ASTN2: variants seen among roughly 807,000 people sequenced by gnomAD.
ASTN2 encodes astrotactin-2.
Under a neutral mutation model 139.8 loss-of-function variants are expected in ASTN2, and 54 were observed. That is an observed-to-expected ratio of 0.39 (90% CI 0.31 to 0.48). The LOEUF (loss-of-function observed/expected upper bound fraction) is 0.48, where lower values mean the gene tolerates loss of function less well. Among genes scored for constraint, ASTN2 ranks in the 20% least tolerant of loss-of-function variants. ASTN2 has a pLI of 0.95. For synonymous variants in ASTN2, 756 were observed against 719.5 expected, an observed-to-expected ratio of 1.05 and a Z score of -0.81; for missense variants, 1,565 against 1,725.1, an observed-to-expected ratio of 0.91 and a Z score of 1.64.
At chr9:117,080,188 T>C (rs1828389616) in intron 5 of ASTN2, among the ~76,000 whole-genome samples, 1 of 152,338 alleles carries the variant, frequency 6.6e-6, no homozygotes, top group South Asian at 2.1e-4. Context: ...TATATAACAT[T>C]GTGATTCACC....
intron 1 of ASTN2, among the ~76,000 whole-genome samples, chr9:117,363,591 T>C (rs1829752241): frequency 6.6e-6 from 1 of 152,078 alleles, no homozygotes; most frequent in Admixed American, 6.5e-5. Context: ...CTGTGAAAGA[T>C]CAGCAGATAG....
intron 10 of ASTN2, among the ~76,000 whole-genome samples, chr9:116,918,120 G>A (rs996617821): frequency 5.9e-5 from 9 of 152,094 alleles, no homozygotes; most frequent in Non-Finnish European, 1.3e-4. Context: ...TGATTCTGAT[G>A]CCTCCCCAGC....
chr9:116,623,937 T>C (rs1352412241), intron 17 of ASTN2, among the ~76,000 whole-genome samples: 1 of 152,148 alleles, frequency 6.6e-6, no homozygotes, highest in African/African-American at 2.4e-5. Context: ...TATGTGTCTC[T>C]GTGTGTTTGA....
At chr9:116,640,038 G>A (rs1486368324) in intron 17 of ASTN2, among the ~76,000 whole-genome samples, 1 of 151,952 alleles carries the variant, frequency 6.6e-6, no homozygotes, top group Non-Finnish European at 1.5e-5. Flanking sequence ...GTTTCATGAA[G>A]TTTACCTGCT....
rs1564282640 is a variant in ASTN2, at chr9:116,446,272, T to TAGATAGAGAG, written c.3498-3720_3498-3719insCTCTCTATCT. Among the ~76,000 whole-genome samples the TAGATAGAGAG allele has an allele frequency of 6.7e-5, 8 of 119,126 alleles. No homozygotes were observed. The East Asian group carries it at 8.2e-4, about 12-fold the overall frequency. The allele number at this position is 119,126 out of a possible 152,430, so 78.2% of individuals were successfully genotyped here. A position where few individuals can be genotyped will look rare whatever the true frequency, so the allele number is the denominator to read the frequency against. ...GGGGAGAGGGAGAGAGAGAGAGAGA[T>TAGATAGAGAG]AGAGAGAGAGAGAGAGAGAGAGAGA... On this transcript the variant is annotated intron_variant, in intron 20 of 22. Coordinates refer to ENST00000313400, the MANE Select transcript of ASTN2 (RefSeq NM_001365068.1).
intron 4 of ASTN2, among the ~76,000 whole-genome samples, chr9:117,140,214 A>G (rs76470750): frequency 0.012 from 1,835 of 152,294 alleles, 21 homozygotes; most frequent in Non-Finnish European, 0.019. Flanking sequence ...ATGGCATGGG[A>G]AACAGCACTG....
intron 7 of ASTN2, among the ~76,000 whole-genome samples, chr9:116,995,537 A>G (rs988155874): frequency 2.0e-5 from 3 of 152,210 alleles, no homozygotes; most frequent in African/African-American, 7.2e-5. Flanking sequence ...TGCAGACACA[A>G]TCTTTGCCTT....
At chr9:117,127,672 GTTTTTTTTTTTTTTT>G (rs11427891) in intron 4 of ASTN2, among the ~76,000 whole-genome samples, 1 of 70,890 alleles carries the variant, frequency 1.4e-5, no homozygotes. Flanking sequence ...TTTTGTTTTG[GTTTTTTTTTTTTTTT>G]TTTTTTTTTT....
intron 22 of ASTN2, among the ~76,000 whole-genome samples, chr9:116,426,982 G>A (rs144580120): frequency 4.5e-4 from 68 of 152,204 alleles, no homozygotes; most frequent in Middle Eastern, 3.4e-3. Context: ...GAATTATTCC[G>A]TACTATGGAG....
chr9:117,156,152 G>T (rs768287167), intron 3 of ASTN2, among the ~76,000 whole-genome samples: 4 of 152,004 alleles, frequency 2.6e-5, no homozygotes, highest in Non-Finnish European at 4.4e-5. Flanking sequence ...TTTAACATGT[G>T]TATTGCTATA....
intron 2 of ASTN2, among the ~76,000 whole-genome samples, chr9:117,285,280 A>G (rs1834419296): frequency 1.3e-5 from 2 of 148,312 alleles, no homozygotes; most frequent in African/African-American, 5.0e-5. Flanking sequence ...TTTTGTAAAA[A>G]GCTTTTTTTT....
intron 19 of ASTN2, among the ~76,000 whole-genome samples, chr9:116,539,013 A>G (rs941485594): frequency 6.6e-6 from 1 of 152,226 alleles, no homozygotes; most frequent in Non-Finnish European, 1.5e-5. Context: ...AAAAACAGCA[A>G]TAAAAATGAA....
At chr9:116,942,660 G>T (rs113696610) in intron 10 of ASTN2, among the ~76,000 whole-genome samples, 30 of 152,314 alleles carry the variant, frequency 2.0e-4, no homozygotes, top group African/African-American at 5.8e-4. Flanking sequence ...GGATCGTGAG[G>T]GCTTCCCTGA....
intron 13 of ASTN2, among the ~76,000 whole-genome samples, chr9:116,789,920 C>CTTTTTTTTT (rs57433960): frequency 1.1e-4 from 10 of 93,336 alleles, no homozygotes; most frequent in Non-Finnish European, 1.9e-4. Flanking sequence ...TTCTCTTTCT[C>CTTTTTTTTT]TTTTTTTTTT....
intron 10 of ASTN2, among the ~76,000 whole-genome samples, chr9:116,900,184 T>G (rs1833972361): frequency 6.6e-6 from 1 of 152,244 alleles, no homozygotes; most frequent in African/African-American, 2.4e-5. Flanking sequence ...TGACTCTGTC[T>G]GTGCAGAGGG....
chr9:116,544,492 G>T (rs1852008552), intron 19 of ASTN2, among the ~76,000 whole-genome samples: 1 of 152,160 alleles, frequency 6.6e-6, no homozygotes, highest in Non-Finnish European at 1.5e-5. Flanking sequence ...GCAGTTATTT[G>T]CTATGTTTCC....
rs529187251 is a variant in ASTN2, at chr9:116,447,982, G to T, written c.3498-5429C>A. Among the ~76,000 whole-genome samples, 9 of 152,246 alleles carry T rather than the reference G, an allele frequency of 5.9e-5. No individual in the cohort carries two copies. In the East Asian group the frequency reaches 1.4e-3, roughly 23 times the overall value. On this transcript the variant is annotated intron_variant, in intron 20 of 22. Transcript: ENST00000313400. ...GAGAATGAAACCAAGAAGTTAATTG[G>T]CAGTGAGAGCTTCTCACAGATCTGA...
intron 3 of ASTN2, among the ~76,000 whole-genome samples, chr9:117,195,221 G>C (rs1160399705): frequency 6.6e-6 from 1 of 152,218 alleles, no homozygotes; most frequent in Non-Finnish European, 1.5e-5. Context: ...CTGAAGAAAT[G>C]AGATTTAAAC....
chr9:117,227,716 A>C (rs1412983009), intron 2 of ASTN2, among the ~76,000 whole-genome samples: 4 of 152,234 alleles, frequency 2.6e-5, no homozygotes, highest in Non-Finnish European at 2.9e-5. Flanking sequence ...TGAAGACACA[A>C]ATGTGATAAC....
Sources: gnomAD v4.1 joint callset for allele counts (sites outside exome capture counted in the v4.1 genomes callset) on GRCh38, gnomAD v4.1.1 for gene constraint, MANE v1.5 for transcripts, NCBI Gene and HGNC (gene_info 2026-07-23, HGNC 2026-07-21) for gene names.